Variants in RIC1 observed in about 807,000 individuals in gnomAD.
RIC1 encodes guanine nucleotide exchange factor subunit RIC1.
RIC1 carries 88 observed loss-of-function variants against 169.0 expected under a neutral mutation model. That is an observed-to-expected ratio of 0.52 (90% CI 0.44 to 0.62). The LOEUF (loss-of-function observed/expected upper bound fraction) is 0.62. Ranked by LOEUF, RIC1 falls within the 20% of genes least tolerant of loss-of-function variation. The probability of loss-of-function intolerance (pLI) is 0.00; values close to 1 mark genes in which losing one functional copy is unlikely to be tolerated. For synonymous variants in RIC1, 790 were observed against 601.5 expected, an observed-to-expected ratio of 1.31 and a Z score of -4.59; for missense variants, 1,877 against 1,725.5, an observed-to-expected ratio of 1.09 and a Z score of -1.56.
At chr9:5,724,282 G>C (rs574946209) in intron 6 of RIC1, among the ~76,000 whole-genome samples, 1 of 152,148 alleles carries the variant, frequency 6.6e-6, no homozygotes, top group Non-Finnish European at 1.5e-5. Flanking sequence ...CACATCCCTT[G>C]TAAGTTGGAT....
intron 8 of RIC1, among the ~76,000 whole-genome samples, chr9:5,741,760 C>T (rs184384665): frequency 6.6e-6 from 1 of 152,084 alleles, no homozygotes; most frequent in South Asian, 2.1e-4. Context: ...AAATCTGAAG[C>T]CTTTCTGAGT....
rs1563731166 is a variant in RIC1 at position 5,774,195 on chromosome 9, A to T, written c.4221A>T (p.Ala1407=). The change falls in exon 26 of 26, where the codon GCA becomes GCT. Residue 1407 remains alanine (A), a synonymous_variant. Transcript: ENST00000414202. Reference sequence around the variant, plus strand: ...GGAAAGAGGAGGACACAGCCCAAGCAGAGGAGGAAGAACCTTTTCAGGATG... The same window carrying T: ...GGAAAGAGGAGGACACAGCCCAAGCTGAGGAGGAAGAACCTTTTCAGGATG... The part of the protein sequence containing the change: ...VSRKEEDTAQ[A]EEEEPFQDGT... 6.2e-7 allele frequency: 1 copy of T among 1,613,914 alleles called. No individual in the cohort carries two copies. The highest frequency in any genetic ancestry group is 1.1e-5 in the South Asian group (1 of 91,060).
At chr9:5,649,809 T>A (rs1454827037) in intron 1 of RIC1, among the ~76,000 whole-genome samples, 1 of 152,186 alleles carries the variant, frequency 6.6e-6, no homozygotes, top group Non-Finnish European at 1.5e-5. Context: ...CAGTTGCTTC[T>A]TCCAGTTTTT....
chr9:5,653,254 A>G (rs572210729), intron 1 of RIC1, among the ~76,000 whole-genome samples: 114 of 151,996 alleles, frequency 7.5e-4, no homozygotes, highest in African/African-American at 2.6e-3. Context: ...GTGTGTGTCT[A>G]TTTCTGGGCT....
At chr9:5,651,558 C>CTTTTTTTTT (rs58654916) in intron 1 of RIC1, among the ~76,000 whole-genome samples, 40 of 107,844 alleles carry the variant, frequency 3.7e-4, no homozygotes, top group East Asian at 1.4e-3. Flanking sequence ...AGTCTTTAAT[C>CTTTTTTTTT]TTTTTTTTTT....
At chr9:5,670,018 A>T (rs985396230) in intron 2 of RIC1, among the ~76,000 whole-genome samples, 1 of 152,206 alleles carries the variant, frequency 6.6e-6, no homozygotes, top group Non-Finnish European at 1.5e-5. Flanking sequence ...CTAAAGTTTG[A>T]CTAAGCACAG....
intron 2 of RIC1, among the ~76,000 whole-genome samples, chr9:5,667,847 C>T (rs1489077674): frequency 6.6e-6 from 1 of 152,154 alleles, no homozygotes; most frequent in Non-Finnish European, 1.5e-5. Flanking sequence ...GTTCCAACCT[C>T]TGCCAGTTAC....
At position 5,772,611 on chromosome 9, in the gene RIC1, T is replaced by A; in HGVS notation, c.3664T>A (p.Ser1222Thr). The A allele has an allele frequency of 6.2e-7, 1 of 1,613,910 alleles. No homozygotes were observed. Among genetic ancestry groups the A allele is most frequent in the Non-Finnish European group, 8.5e-7 (1 of 1,179,892 alleles). ...GSATDLTESS[S>T]MVDGDWTMVD... is the part of the protein sequence containing the mutation. ...AGCCACAGACTTGACTGAAAGTAGC[T>A]CCATGGTGGATGGCGACTGGACAAT... The change falls in exon 24 of 26, where the codon TCC becomes ACC. Residue 1222 changes from serine (S) to threonine (T), a missense_variant. This residue lies in a region of RIC1 where 681 missense variants were observed against 582.0 expected (regional missense o/e 1.17). Coordinates refer to ENST00000414202, the MANE Select transcript of RIC1 (RefSeq NM_020829.4).
In RIC1 at chr9:5,774,195, AGAG is replaced by A. The variant is rs1563731180; in HGVS notation, c.4227_4229del (p.Glu1411del). The stretch of plus-strand genomic sequence containing the variant: ...GGAAAGAGGAGGACACAGCCCAAGC[AGAG>A]GAGGAAGAACCTTTTCAGGATGGGA... On this transcript the variant is annotated inframe_deletion, in exon 26 of 26. Coordinates refer to ENST00000414202, the MANE Select transcript of RIC1 (RefSeq NM_020829.4). 3.7e-6 allele frequency: 6 copies of A among 1,613,914 alleles called. No homozygotes were observed. In the East Asian group the frequency reaches 6.7e-5, roughly 18 times the overall value.
At chr9:5,637,423 G>T (rs1818023653) in intron 1 of RIC1, among the ~76,000 whole-genome samples, 2 of 152,148 alleles carry the variant, frequency 1.3e-5, no homozygotes, top group Admixed American at 6.5e-5. Flanking sequence ...ATGAAAAATA[G>T]GGTATTCATC....
chr9:5,685,548 G>A (rs2130679114), intron 2 of RIC1, among the ~76,000 whole-genome samples: 1 of 150,246 alleles, frequency 6.7e-6, no homozygotes, highest in South Asian at 2.1e-4. Context: ...TTTAATAAAT[G>A]GTGCTGGGAA....
intron 6 of RIC1, among the ~76,000 whole-genome samples, chr9:5,723,813 A>G (rs1175644769): frequency 2.6e-5 from 4 of 152,156 alleles, no homozygotes; most frequent in Non-Finnish European, 4.4e-5. Context: ...TATTAAATAG[A>G]GAATCCTTTC....
chr9:5,641,026 G>A (rs1265809223), intron 1 of RIC1, among the ~76,000 whole-genome samples: 1 of 150,296 alleles, frequency 6.7e-6, no homozygotes, highest in East Asian at 1.9e-4. Context: ...CCGTTTTTAG[G>A]ATCTTTCTTT....
chr9:5,761,399 C>T (rs905643270), intron 17 of RIC1, among the ~76,000 whole-genome samples: 1 of 151,992 alleles, frequency 6.6e-6, no homozygotes. Flanking sequence ...CAGGTGTGAG[C>T]CACTGCGCCC....
intron 3 of RIC1, among the ~76,000 whole-genome samples, chr9:5,704,074 A>G (rs1261895479): frequency 2.0e-5 from 3 of 151,918 alleles, no homozygotes; most frequent in South Asian, 2.1e-4. Context: ...GGTCATCCCA[A>G]TGAATGTGAA....
intron 15 of RIC1, 107 bp downstream of exon 15, chr9:5,755,037 A>G (rs1225411042): frequency 1.1e-5 from 7 of 642,162 alleles, no homozygotes; most frequent in Non-Finnish European, 1.7e-5. Flanking sequence ...AAAACATTTT[A>G]TTTTTTAATC....
chr9:5,718,274 A>G (rs1243243075), intron 4 of RIC1, among the ~76,000 whole-genome samples: 1 of 146,112 alleles, frequency 6.8e-6, no homozygotes, highest in Non-Finnish European at 1.5e-5. Flanking sequence ...TGTTTTCTTT[A>G]TGGCTTGTCT....
intron 8 of RIC1, among the ~76,000 whole-genome samples, chr9:5,740,245 A>G (rs1489647356): frequency 2.0e-5 from 3 of 152,092 alleles, no homozygotes; most frequent in African/African-American, 7.2e-5. Context: ...ATTTTGCATA[A>G]CTCTATATAA....
chr9:5,699,662 G>A (rs1395241207), intron 3 of RIC1, among the ~76,000 whole-genome samples: 1 of 152,074 alleles, frequency 6.6e-6, no homozygotes, highest in Non-Finnish European at 1.5e-5. Flanking sequence ...CAAATCCTAT[G>A]TAAATCAATT....
Sources: gnomAD v4.1 joint callset for allele counts (sites outside exome capture counted in the v4.1 genomes callset) on GRCh38, gnomAD v4.1.1 for gene constraint, gnomAD v4.1.1 regional missense constraint, MANE v1.5 for transcripts, NCBI Gene and HGNC (gene_info 2026-07-23, HGNC 2026-07-21) for gene names.